PVT1: variants seen among roughly 807,000 people sequenced by gnomAD.
The protein encoded by PVT1 is Pvt1 oncogene.
At chr8:127,909,072 C>A (rs72718578) in intron 3 of PVT1, among the ~76,000 whole-genome samples, 4 of 152,204 alleles carry the variant, frequency 2.6e-5, no homozygotes, top group African/African-American at 7.2e-5. Flanking sequence ...GTGTGTATTT[C>A]CAGTGGAAGG....
chr8:127,799,253 G>C (rs1317349971), intron 2 of PVT1, among the ~76,000 whole-genome samples: 2 of 151,808 alleles, frequency 1.3e-5, no homozygotes, highest in African/African-American at 4.8e-5. Context: ...GTTGAATCAG[G>C]TGGCTGTCAA....
intron 2 of PVT1, among the ~76,000 whole-genome samples, chr8:127,832,645 T>C (rs1396739636): frequency 1.3e-5 from 2 of 152,078 alleles, no homozygotes; most frequent in African/African-American, 4.8e-5. Flanking sequence ...GATCACGAGG[T>C]CAGGAGATAG....
intron 2 of PVT1, among the ~76,000 whole-genome samples, chr8:127,831,139 A>C (rs59760956): frequency 0.041 from 5,782 of 142,006 alleles, 298 homozygotes; most frequent in African/African-American, 0.13. Context: ...ATCTATATCT[A>C]TCTCTCTCTC....
At chr8:128,005,500 T>A (rs1039150550) in intron 4 of PVT1, among the ~76,000 whole-genome samples, 3 of 152,130 alleles carry the variant, frequency 2.0e-5, no homozygotes, top group Non-Finnish European at 2.9e-5. Flanking sequence ...TATGCCCTAG[T>A]CTTGTCGTCT....
chr8:127,962,923 A>G (rs1270105080), intron 3 of PVT1, among the ~76,000 whole-genome samples: 1 of 152,054 alleles, frequency 6.6e-6, no homozygotes, highest in Non-Finnish European at 1.5e-5. Flanking sequence ...TCCCTGTTTT[A>G]CAAAGGAGCA....
At chr8:127,817,865 G>A (rs901358863) in intron 2 of PVT1, among the ~76,000 whole-genome samples, 2 of 152,008 alleles carry the variant, frequency 1.3e-5, no homozygotes, top group Non-Finnish European at 2.9e-5. Flanking sequence ...CCTTGTCTCA[G>A]AAAAAATAGA....
intron 2 of PVT1, among the ~76,000 whole-genome samples, chr8:127,832,090 GT>G (rs951105684): frequency 1.3e-5 from 2 of 150,730 alleles, no homozygotes; most frequent in East Asian, 3.9e-4. Context: ...AACGTCAAGT[GT>G]TTTTTTTTCA....
At chr8:127,978,072 A>T (rs1296226900) in intron 3 of PVT1, among the ~76,000 whole-genome samples, 1 of 152,166 alleles carries the variant, frequency 6.6e-6, no homozygotes, top group Non-Finnish European at 1.5e-5. Context: ...TTGCATGCTT[A>T]CTTCCACACT....
chr8:127,961,008 G>T (rs1586456921), intron 3 of PVT1, among the ~76,000 whole-genome samples: 1 of 151,804 alleles, frequency 6.6e-6, no homozygotes, highest in Admixed American at 6.6e-5. Flanking sequence ...TCACAGCCAA[G>T]GTGCCTGCCT....
At chr8:127,952,828 G>T (rs542103869) in intron 3 of PVT1, among the ~76,000 whole-genome samples, 2 of 151,316 alleles carry the variant, frequency 1.3e-5, no homozygotes, top group Non-Finnish European at 2.9e-5. Context: ...GCAAAGGCGC[G>T]ATCTCAGCTC....
intron 2 of PVT1, among the ~76,000 whole-genome samples, chr8:127,810,324 C>T (rs189897524): frequency 6.6e-6 from 1 of 152,386 alleles, no homozygotes; most frequent in East Asian, 1.9e-4. Context: ...CAAGGAGCAT[C>T]CTGCACCTCC....
chr8:127,861,408 A>C (rs1009992522), intron 2 of PVT1, among the ~76,000 whole-genome samples: 8 of 152,230 alleles, frequency 5.3e-5, no homozygotes, highest in African/African-American at 1.9e-4. Flanking sequence ...CAGGAGTTTG[A>C]GACCAGCCTG....
chr8:127,948,294 A>G (rs1816450946), intron 3 of PVT1: 2 of 211,552 alleles, frequency 9.5e-6, no homozygotes, highest in Non-Finnish European at 1.9e-5. Context: ...TGGTAGGTCC[A>G]GGGCGTTTGG....
At chr8:127,829,865 A>C (rs962035840) in intron 2 of PVT1, among the ~76,000 whole-genome samples, 4 of 152,190 alleles carry the variant, frequency 2.6e-5, no homozygotes, top group African/African-American at 9.6e-5. Flanking sequence ...GGGTGTCAGG[A>C]GGGCCATGCT....
chr8:127,838,818 T>A (rs1257037554), intron 2 of PVT1, among the ~76,000 whole-genome samples: 1 of 152,220 alleles, frequency 6.6e-6, no homozygotes, highest in Admixed American at 6.5e-5. Context: ...TATAACCCTA[T>A]GTTCTAAGTA....
At chr8:127,817,487 G>GTATATATATATA (rs1263773181) in intron 2 of PVT1, among the ~76,000 whole-genome samples, 2 of 129,684 alleles carry the variant, frequency 1.5e-5, no homozygotes, top group African/African-American at 6.3e-5. Context: ...GTGTGTGTGT[G>GTATATATATATA]TGTGTATATA....
chr8:127,829,036 G>A (rs1362154108), intron 2 of PVT1, among the ~76,000 whole-genome samples: 2 of 152,162 alleles, frequency 1.3e-5, no homozygotes, highest in Non-Finnish European at 2.9e-5. Flanking sequence ...GCTCACGTCT[G>A]TAATCCCAGC....
intron 3 of PVT1, among the ~76,000 whole-genome samples, chr8:127,988,463 C>T (rs909134757): frequency 3.3e-5 from 5 of 152,176 alleles, no homozygotes; most frequent in African/African-American, 4.8e-5. Context: ...AAGTACCAGG[C>T]GCTGCTTTAG....
intron 3 of PVT1, among the ~76,000 whole-genome samples, chr8:127,956,890 T>C (rs186105019): frequency 1.5e-3 from 226 of 152,352 alleles, no homozygotes; most frequent in African/African-American, 5.4e-3. Flanking sequence ...TTCTTATTTT[T>C]TCATTTTTAT....
Sources: allele counts gnomAD v4.1 joint callset (sites outside exome capture counted in the v4.1 genomes callset), GRCh38; gene constraint gnomAD v4.1.1; transcripts MANE v1.5; gene names NCBI Gene and HGNC (gene_info 2026-07-23, HGNC 2026-07-21).